GRIK3: variants seen among roughly 807,000 people sequenced by gnomAD.
The protein encoded by GRIK3 is glutamate ionotropic receptor kainate type subunit 3.
GRIK3 carries 29 observed loss-of-function variants against 102.5 expected under a neutral mutation model. The ratio of observed to expected loss-of-function variants is 0.28; its 90% CI spans 0.21 to 0.39. GRIK3 has a LOEUF of 0.39. Among genes scored for constraint, GRIK3 ranks in the 10% least tolerant of loss-of-function variants. GRIK3 has a pLI of 1.00. For missense variants in GRIK3, 908 were observed against 1,252.4 expected (o/e 0.73, Z 4.15); for synonymous variants, 511 against 504.9 (o/e 1.01, Z -0.16).
chr1:36,957,535 C>A (rs371723118), intron 1 of GRIK3, among the ~76,000 whole-genome samples: 1 of 10,682 alleles, frequency 9.4e-5, no homozygotes, highest in East Asian at 2.8e-3. Context: ...CTGTGTGCCC[C>A]GTGTCCTGTG....
chr1:36,872,356 C>A lies in GRIK3; in HGVS notation c.564G>T (p.Leu188=). ...TTGATGGGGCCATGATGAGCTCCTG[C>A]AGTCGGATGAGCCCTGAGGGGCCAT... is the stretch of plus-strand genomic sequence containing the variant. ...VYDDSTGLIR[L]QELIMAPSRY... is the part of the protein sequence containing the mutation. Residue 188 remains leucine (L), a synonymous_variant, in exon 4 of 16, where the codon CTG becomes CTT. Transcript: ENST00000373091. This position sits in a 1 kb window ranked among gnomAD's most constrained non-coding sequence, Gnocchi z 5.9. 6.2e-7 allele frequency: 1 copy of A among 1,600,864 alleles called. No individual in the cohort carries two copies. The highest frequency in any genetic ancestry group is 8.5e-7 in the Non-Finnish European group (1 of 1,172,116).
At chr1:36,938,846 T>C (rs572132969) in intron 1 of GRIK3, among the ~76,000 whole-genome samples, 1 of 152,282 alleles carries the variant, frequency 6.6e-6, no homozygotes, top group African/African-American at 2.4e-5. Context: ...ACATTTTCTC[T>C]CTTGACATAA....
intron 1 of GRIK3, among the ~76,000 whole-genome samples, chr1:36,933,340 G>T (rs1639998314): frequency 6.6e-6 from 1 of 152,154 alleles, no homozygotes; most frequent in Non-Finnish European, 1.5e-5. Context: ...TTTTCATCAA[G>T]GTGCTCACCA....
chr1:36,867,094 T>C (rs571916638), intron 5 of GRIK3, among the ~76,000 whole-genome samples: 22 of 152,354 alleles, frequency 1.4e-4, no homozygotes, highest in African/African-American at 5.3e-4. Context: ...ATATGGCTGC[T>C]GGATAAATGA....
chr1:37,018,398 A>G (rs1345080097), intron 1 of GRIK3, among the ~76,000 whole-genome samples: 2 of 152,134 alleles, frequency 1.3e-5, no homozygotes, highest in Admixed American at 6.5e-5. Context: ...TTCTACTGGG[A>G]CCTTTAACAC....
chr1:36,811,281 C>T (rs554143237), intron 13 of GRIK3, among the ~76,000 whole-genome samples: 1 of 152,086 alleles, frequency 6.6e-6, no homozygotes, highest in Non-Finnish European at 1.5e-5. Flanking sequence ...GTTGCTATGG[C>T]ACTTAAAGGG....
intron 1 of GRIK3, among the ~76,000 whole-genome samples, chr1:36,943,187 A>G (rs896850794): frequency 1.5e-5 from 2 of 137,644 alleles, no homozygotes; most frequent in Non-Finnish European, 3.1e-5. Flanking sequence ...GACACCTGGT[A>G]GCCTCTGCAC....
chr1:36,943,231 T>TG (rs367867954), intron 1 of GRIK3, among the ~76,000 whole-genome samples: 1,348 of 31,582 alleles, frequency 0.043, 11 homozygotes, highest in African/African-American at 0.085. Flanking sequence ...TGTTGGGGGT[T>TG]GGGGGGGCTG....
intron 1 of GRIK3, among the ~76,000 whole-genome samples, chr1:36,977,703 A>AGGGT (rs925631035): frequency 6.6e-6 from 1 of 152,206 alleles, no homozygotes; most frequent in African/African-American, 2.4e-5. Flanking sequence ...CTTGCTGAAG[A>AGGGT]GGGTGGGTGA....
intron 9 of GRIK3, among the ~76,000 whole-genome samples, chr1:36,847,584 A>G (rs941369985): frequency 2.0e-5 from 3 of 152,186 alleles, no homozygotes; most frequent in Non-Finnish European, 2.9e-5. Flanking sequence ...TGGATTTGTA[A>G]TCAATAATAA....
intron 1 of GRIK3, among the ~76,000 whole-genome samples, chr1:36,968,767 A>G: frequency 6.6e-6 from 1 of 152,208 alleles, no homozygotes; most frequent in East Asian, 1.9e-4. Flanking sequence ...CTGGGTAGCA[A>G]CGTGGCTCCC....
At chr1:36,924,094 C>T (rs574485673) in intron 1 of GRIK3, among the ~76,000 whole-genome samples, 2 of 152,264 alleles carry the variant, frequency 1.3e-5, no homozygotes, top group South Asian at 4.1e-4. Flanking sequence ...AGCGGTGGGG[C>T]TAAGGGGCAG....
intron 15 of GRIK3, among the ~76,000 whole-genome samples, chr1:36,804,073 C>T (rs1239584259): frequency 3.3e-5 from 5 of 152,254 alleles, no homozygotes; most frequent in South Asian, 4.1e-4. Flanking sequence ...AGCGTCCCTT[C>T]GGTTACACCC....
intron 1 of GRIK3, among the ~76,000 whole-genome samples, chr1:37,030,604 C>T (rs1292870838): frequency 8.1e-5 from 12 of 148,574 alleles, no homozygotes; most frequent in Non-Finnish European, 1.5e-4. Flanking sequence ...CAAACCTCCC[C>T]ACTGGCTGGC....
In GRIK3 at chr1:36,898,284, T is replaced by C. The variant is rs556943286; in HGVS notation, c.116-7188A>G. Among the ~76,000 whole-genome samples the C allele has an allele frequency of 1.0e-3, 153 of 152,248 alleles. 1 individual carries two copies. Among genetic ancestry groups the C allele is most frequent in the African/African-American group, 3.4e-3 (142 of 41,556 alleles). ...ACATTTAAAAACTAAAATAGTGTAA[T>C]TGGATTGTTTGTAACACAAGGATAA... On this transcript the variant is annotated intron_variant, in intron 1 of 15. Coordinates refer to ENST00000373091, the MANE Select transcript of GRIK3 (RefSeq NM_000831.4).
chr1:36,999,668 C>G (rs1418524890), intron 1 of GRIK3, among the ~76,000 whole-genome samples: 3 of 152,190 alleles, frequency 2.0e-5, no homozygotes, highest in African/African-American at 7.2e-5. Flanking sequence ...TGAGCCCGCT[C>G]CTACAGAAAG....
chr1:36,923,995 CAT>C (rs889480131), intron 1 of GRIK3, among the ~76,000 whole-genome samples: 22 of 152,264 alleles, frequency 1.4e-4, no homozygotes, highest in East Asian at 3.9e-4. Flanking sequence ...GAGCTCTACA[CAT>C]GAGTGCACAC....
At chr1:36,851,075 T>G (rs1640579276) in intron 8 of GRIK3, among the ~76,000 whole-genome samples, 1 of 152,202 alleles carries the variant, frequency 6.6e-6, no homozygotes, top group Non-Finnish European at 1.5e-5. Context: ...GACCCAACTC[T>G]GGCCAGCTCT....
intron 1 of GRIK3, among the ~76,000 whole-genome samples, chr1:36,999,038 A>T (rs1467544341): frequency 6.6e-6 from 1 of 150,628 alleles, no homozygotes; most frequent in African/African-American, 2.5e-5. Context: ...TGGGGAGGGA[A>T]GGAGCAGGGA....
Sources: gnomAD v4.1 joint callset for allele counts (sites outside exome capture counted in the v4.1 genomes callset) on GRCh38, gnomAD v4.1.1 for gene constraint, Gnocchi (gnomAD v3.1) non-coding constraint, MANE v1.5 for transcripts, NCBI Gene and HGNC (gene_info 2026-07-23, HGNC 2026-07-21) for gene names.